UBE3C: variants seen among roughly 807,000 people sequenced by gnomAD.
The protein encoded by UBE3C is ubiquitin-protein ligase E3C.
UBE3C carries 42 observed loss-of-function variants against 129.4 expected under a neutral mutation model. The observed-to-expected ratio is 0.32, with a 90% CI of 0.25 to 0.42. UBE3C has a LOEUF of 0.42. Among genes scored for constraint, UBE3C ranks in the 10% least tolerant of loss-of-function variants. The probability of loss-of-function intolerance (pLI) is 1.00; values close to 1 mark genes in which losing one functional copy is unlikely to be tolerated. For synonymous variants in UBE3C, 510 were observed against 492.4 expected (o/e 1.04, Z -0.47); for missense variants, 1,049 against 1,319.1 (o/e 0.80, Z 3.17).
chr7:157,238,324 T>C (rs1481144479), intron 18 of UBE3C, among the ~76,000 whole-genome samples: 1 of 152,082 alleles, frequency 6.6e-6, no homozygotes, highest in African/African-American at 2.4e-5. Flanking sequence ...GTGGGCCTCC[T>C]TGGCTTTGGT....
intron 1 of UBE3C, among the ~76,000 whole-genome samples, chr7:157,161,977 C>G (rs898725744): frequency 4.0e-5 from 6 of 151,614 alleles, no homozygotes; most frequent in Non-Finnish European, 5.9e-5. Context: ...GGCTGTGGCA[C>G]GAGAATTGCT....
chr7:157,190,677 C>T (rs1329026392), intron 10 of UBE3C, among the ~76,000 whole-genome samples: 1 of 152,174 alleles, frequency 6.6e-6, no homozygotes, highest in East Asian at 1.9e-4. Flanking sequence ...AAATACAACC[C>T]TGATTATTGC....
intron 13 of UBE3C, among the ~76,000 whole-genome samples, chr7:157,208,647 G>A (rs552638934): frequency 7.2e-5 from 11 of 152,112 alleles, no homozygotes; most frequent in Non-Finnish European, 1.5e-4. Context: ...GATTAACAAC[G>A]TAAAGTAGGT....
At chr7:157,182,048 C>T in intron 7 of UBE3C, 60 bp from the exon 8 acceptor site, 1 of 1,437,846 alleles carries the variant, frequency 7.0e-7, no homozygotes, top group Non-Finnish European at 9.3e-7. Context: ...TGATTTTAAT[C>T]AGTGATTGGA....
intron 18 of UBE3C, among the ~76,000 whole-genome samples, chr7:157,233,785 A>G (rs1281929254): frequency 6.6e-6 from 1 of 152,242 alleles, no homozygotes; most frequent in African/African-American, 2.4e-5. Flanking sequence ...ACTCCACGTC[A>G]AAGTGTCTGC....
chr7:157,155,778 C>T (rs1807885472), intron 1 of UBE3C, among the ~76,000 whole-genome samples: 2 of 152,138 alleles, frequency 1.3e-5, no homozygotes, highest in Admixed American at 6.6e-5. Flanking sequence ...GAGAAGATAA[C>T]GATAGTACCT....
intron 14 of UBE3C, 32 bp from the exon 15 acceptor site, chr7:157,220,655 CAG>C (rs1478560742): frequency 3.7e-6 from 6 of 1,612,936 alleles, no homozygotes; most frequent in South Asian, 2.2e-5. Context: ...TGCTAGAGCA[CAG>C]GGGAGTTCTG....
intron 18 of UBE3C, among the ~76,000 whole-genome samples, chr7:157,238,525 GGTTCT>G (rs1796211431): frequency 6.6e-6 from 1 of 152,120 alleles, no homozygotes; most frequent in Admixed American, 6.6e-5. Flanking sequence ...GAACCACCTG[GGTTCT>G]GTTATGAGAA....
In UBE3C at chr7:157,242,537, T is replaced by A. The variant is rs12540746; in HGVS notation, c.2482-5831T>A. Among the ~76,000 whole-genome samples, 41 of 140,570 alleles carry A rather than the reference T, an allele frequency of 2.9e-4. No individual in the cohort carries two copies. The South Asian group carries it at 3.1e-3, about 11-fold the overall frequency. The allele number at this position is 140,570 out of a possible 152,430, so 92.2% of individuals were successfully genotyped here. On this transcript the variant is annotated intron_variant, in intron 18 of 22. Transcript: ENST00000348165. Reference sequence around the variant, plus strand: ...TTGTTTTTTTTTTTTTTTTTTTTTTTAAATTCCTACTGTCTTTCAGAAGCA... The same window carrying A: ...TTGTTTTTTTTTTTTTTTTTTTTTTAAAATTCCTACTGTCTTTCAGAAGCA...
At chr7:157,265,955 C>T (rs1403425170) in intron 22 of UBE3C, among the ~76,000 whole-genome samples, 1 of 152,244 alleles carries the variant, frequency 6.6e-6, no homozygotes, top group African/African-American at 2.4e-5. Context: ...AAGCAAGCCA[C>T]TTTTCATCAT....
chr7:157,218,177 G>A (rs2117038615), intron 14 of UBE3C, among the ~76,000 whole-genome samples: 1 of 152,304 alleles, frequency 6.6e-6, no homozygotes, highest in East Asian at 1.9e-4. Flanking sequence ...TGGGCGCGGT[G>A]GCTCATGCCT....
At chr7:157,206,850 T>G (rs1056379641) in intron 11 of UBE3C, among the ~76,000 whole-genome samples, 2 of 152,192 alleles carry the variant, frequency 1.3e-5, no homozygotes, top group Non-Finnish European at 2.9e-5. Context: ...GGATGGGAGC[T>G]GGTGAATAAA....
At chr7:157,163,665 G>C (rs1808136353) in intron 1 of UBE3C, 145 bp from the exon 2 acceptor site, 1 of 754,084 alleles carries the variant, frequency 1.3e-6, no homozygotes, top group Non-Finnish European at 2.1e-6. Context: ...TTGTGCCTCA[G>C]ATTCTCTCAT....
chr7:157,266,166 T>C (rs1797072607), intron 22 of UBE3C, among the ~76,000 whole-genome samples: 1 of 151,904 alleles, frequency 6.6e-6, no homozygotes. Flanking sequence ...TACAAAAAAT[T>C]AGCCGGGCGT....
chr7:157,205,025 A>G (rs1016060360), intron 11 of UBE3C, among the ~76,000 whole-genome samples: 5 of 152,212 alleles, frequency 3.3e-5, no homozygotes, highest in Admixed American at 2.6e-4. Context: ...TAATTCACCT[A>G]GCTCCCCTGA....
chr7:157,249,899 A>C (rs1048604592), intron 19 of UBE3C, among the ~76,000 whole-genome samples: 1 of 152,220 alleles, frequency 6.6e-6, no homozygotes, highest in Non-Finnish European at 1.5e-5. Context: ...CCAAAATCCA[A>C]AACTTTCTGA....
chr7:157,140,229 C>G (rs561141013), intron 1 of UBE3C, among the ~76,000 whole-genome samples: 16 of 141,660 alleles, frequency 1.1e-4, no homozygotes, highest in African/African-American at 3.9e-4. Flanking sequence ...TTTTTCTTGT[C>G]TATCAGTATA....
chr7:157,223,830 G>A (rs1422232249), intron 16 of UBE3C, among the ~76,000 whole-genome samples: 1 of 152,152 alleles, frequency 6.6e-6, no homozygotes, highest in Non-Finnish European at 1.5e-5. Context: ...TGAGGTAGGA[G>A]GATCATTTGA....
At chr7:157,186,599 T>C (rs920916278) in intron 9 of UBE3C, among the ~76,000 whole-genome samples, 3 of 152,116 alleles carry the variant, frequency 2.0e-5, no homozygotes, top group African/African-American at 7.2e-5. Flanking sequence ...AAGCTACTGT[T>C]ATATCATAGG....
Sources: allele counts gnomAD v4.1 joint callset (sites outside exome capture counted in the v4.1 genomes callset), GRCh38; gene constraint gnomAD v4.1.1; transcripts MANE v1.5; gene names NCBI Gene and HGNC (gene_info 2026-07-23, HGNC 2026-07-21).